Variants in FABP12 observed in about 807,000 individuals in gnomAD.
FABP12 encodes fatty acid-binding protein 12.
In FABP12, 19 loss-of-function variants were observed where a neutral mutation model predicts 13.7. The observed-to-expected ratio is 1.39, with a 90% CI of 0.97 to 2.04. The LOEUF (loss-of-function observed/expected upper bound fraction) is 2.04. Among genes scored for constraint, FABP12 ranks in the 30% most tolerant of loss-of-function variants. The pLI is 0.00. For synonymous variants in FABP12, 61 were observed against 57.0 expected (o/e 1.07, Z -0.32); for missense variants, 182 against 164.2 (o/e 1.11, Z -0.59).
At chr8:81,586,000 C>G (rs1327274282) in intron 1 of FABP12, among the ~76,000 whole-genome samples, 1 of 152,164 alleles carries the variant, frequency 6.6e-6, no homozygotes, top group Non-Finnish European at 1.5e-5. Context: ...CTCCCACCCT[C>G]CACCCTCAAG....
intron 1 of FABP12, among the ~76,000 whole-genome samples, chr8:81,552,986 T>G (rs753320928): frequency 2.0e-5 from 3 of 152,188 alleles, no homozygotes; most frequent in Non-Finnish European, 2.9e-5. Flanking sequence ...GAGTGAGAAC[T>G]CAGGAGAAAG....
chr8:81,531,803 C>T (rs1390637315), intron 1 of FABP12, among the ~76,000 whole-genome samples: 1 of 152,178 alleles, frequency 6.6e-6, no homozygotes, highest in Non-Finnish European at 1.5e-5. Context: ...ACCAGACAGA[C>T]TTCATAGATG....
chr8:81,527,919 A>AC lies in FABP12; in HGVS notation c.247-799dup, dbSNP rs1317829727. ...GGCTACAATGAGCCAAGATTGTACC[A>AC]CCGCACTCCAGCCTGGGCAACAGAG... On this transcript the variant is annotated intron_variant, in intron 3 of 4. Transcript: ENST00000360464. 2.0e-5 allele frequency among the ~76,000 whole-genome samples: 3 copies of AC among 152,120 alleles called. No individual in the cohort carries two copies. The East Asian group carries it at 5.8e-4, about 29-fold the overall frequency.
At chr8:81,539,433 C>CTTTTTTTTTTTTTTTTTTTTTTTTTT (rs35386904) in intron 2 of FABP12, among the ~76,000 whole-genome samples, 1 of 50,018 alleles carries the variant, frequency 2.0e-5, no homozygotes, top group African/African-American at 8.0e-5. Flanking sequence ...TTCTTTAGTT[C>CTTTTTTTTTTTTTTTTTTTTTTTTTT]TTTTTTTTTT....
intron 1 of FABP12, among the ~76,000 whole-genome samples, chr8:81,576,193 G>C (rs1810041787): frequency 6.6e-6 from 1 of 151,964 alleles, no homozygotes; most frequent in Admixed American, 6.5e-5. Context: ...TAACGATAGT[G>C]ATAAAATCTC....
intron 1 of FABP12, among the ~76,000 whole-genome samples, chr8:81,546,543 G>C (rs1020274510): frequency 1.3e-5 from 2 of 151,662 alleles, no homozygotes; most frequent in African/African-American, 4.8e-5. Flanking sequence ...GGCGCCTATA[G>C]TTCCAGCTAC....
In FABP12 at chr8:81,541,910, T is replaced by TAAA. The variant is rs1167487132; in HGVS notation, c.-184-2170_-184-2168dup. 2.8e-4 allele frequency among the ~76,000 whole-genome samples: 20 copies of TAAA among 71,148 alleles called. 1 individual carries two copies. In the East Asian group the frequency reaches 3.0e-3, roughly 11 times the overall value. The allele number at this position is 71,148 out of a possible 152,430, so 46.7% of individuals were successfully genotyped here. On this transcript the variant is annotated intron_variant, in intron 1 of 5. Coordinates refer to the FABP12 transcript ENST00000692030. ...CTGGACTTCCAGGAGTCCCAGGGTT[T>TAAA]AAAAAAAAAAAAAAAAAAAAAAAAA...
At chr8:81,525,152 G>A (rs1563539955) in intron 4 of FABP12, 32 bp from the exon 5 acceptor site, 1 of 1,316,452 alleles carries the variant, frequency 7.6e-7, no homozygotes, top group African/African-American at 1.4e-5. Context: ...AGGTATTTCA[G>A]TATAGTTAGT....
At chr8:81,530,190 A>G (rs1325504484) in intron 2 of FABP12, among the ~76,000 whole-genome samples, 1 of 152,192 alleles carries the variant, frequency 6.6e-6, no homozygotes, top group African/African-American at 2.4e-5. Flanking sequence ...CATTATTTAT[A>G]GGATTTTAAA....
intron 1 of FABP12, among the ~76,000 whole-genome samples, chr8:81,566,405 G>A (rs529157840): frequency 1.3e-5 from 2 of 152,124 alleles, no homozygotes; most frequent in African/African-American, 4.8e-5. Context: ...GAACATTCAT[G>A]CAAAAGTTCT....
intron 1 of FABP12, among the ~76,000 whole-genome samples, chr8:81,540,697 G>A (rs1809321109): frequency 6.6e-6 from 1 of 152,140 alleles, no homozygotes; most frequent in Non-Finnish European, 1.5e-5. Context: ...AGAACAAATG[G>A]AGAAATCCAA....
intron 1 of FABP12, among the ~76,000 whole-genome samples, chr8:81,576,002 A>G (rs972056160): frequency 6.6e-6 from 1 of 152,228 alleles, no homozygotes; most frequent in Non-Finnish European, 1.5e-5. Flanking sequence ...TATATAGCTA[A>G]TCAGAAGCCT....
At position 81,549,717 on chromosome 8, in the gene FABP12, G is replaced by T. The variant is rs80264020; in HGVS notation, c.-184-9974C>A. ...CAAATCCTTGAGGTACTAACCTCAT[G>T]TTCTGCTGTCATTTTGTGAGATGTT... is the stretch of plus-strand genomic sequence containing the variant. On this transcript the variant is annotated intron_variant, in intron 1 of 5. Transcript: ENST00000692030. Among the ~76,000 whole-genome samples the T allele has an allele frequency of 1.4e-3, 212 of 152,294 alleles. 3 individuals are homozygous for T. In the East Asian group the frequency reaches 0.026, roughly 19 times the overall value.
intron 1 of FABP12, among the ~76,000 whole-genome samples, chr8:81,555,624 T>G (rs1003424790): frequency 6.6e-6 from 1 of 152,178 alleles, no homozygotes. Flanking sequence ...TGTTAGAAAA[T>G]GTATCGCAAT....
chr8:81,559,412 G>C (rs919656256), intron 1 of FABP12, among the ~76,000 whole-genome samples: 1 of 152,140 alleles, frequency 6.6e-6, no homozygotes, highest in Admixed American at 6.5e-5. Context: ...ATCAAATATG[G>C]GATTGTCCAA....
At chr8:81,577,072 C>T (rs1350044234) in intron 1 of FABP12, among the ~76,000 whole-genome samples, 1 of 152,160 alleles carries the variant, frequency 6.6e-6, no homozygotes, top group Non-Finnish European at 1.5e-5. Context: ...TACTGATGAT[C>T]CTTTAGCTGT....
chr8:81,563,057 G>C (rs182220917), intron 1 of FABP12, among the ~76,000 whole-genome samples: 153 of 152,316 alleles, frequency 1.0e-3, no homozygotes, highest in African/African-American at 3.6e-3. Context: ...CACCCCTCCC[G>C]CAGCTCCAGG....
rs377161218 is a variant in FABP12 at position 81,529,580 on chromosome 8, C to G, written c.104G>C (p.Arg35Pro). Reference sequence around the variant, plus strand: ...GATGGTCACAGTGGGTTTTGCCAAACGGCCCAGTTTCCTGCTGGCTCTTCC... The same window carrying G: ...GATGGTCACAGTGGGTTTTGCCAAAGGGCCCAGTTTCCTGCTGGCTCTTCC... Residue 35 changes from arginine to proline, a missense_variant, in exon 3 of 5, where the codon CGT becomes CCT. Transcript: ENST00000360464. 1.9e-6 allele frequency: 3 copies of G among 1,613,828 alleles called. No homozygotes were observed. The South Asian group carries it at 3.3e-5, about 18-fold the overall frequency.
chr8:81,564,813 G>T (rs1042652542), intron 1 of FABP12, among the ~76,000 whole-genome samples: 1 of 151,896 alleles, frequency 6.6e-6, no homozygotes, highest in Non-Finnish European at 1.5e-5. Context: ...ATAAGAAACT[G>T]GTAGGAGTAA....
Sources: allele counts gnomAD v4.1 joint callset (sites outside exome capture counted in the v4.1 genomes callset), GRCh38; gene constraint gnomAD v4.1.1; transcripts MANE v1.5; gene names NCBI Gene and HGNC (gene_info 2026-07-23, HGNC 2026-07-21).